The following SNAP91 variants were observed in gnomAD, a reference collection of about 807,000 sequenced individuals.
The protein encoded by SNAP91 is clathrin coat assembly protein AP180.
In SNAP91, 27 loss-of-function variants were observed where a neutral mutation model predicts 100.3. The observed-to-expected ratio is 0.27, with a 90% CI of 0.20 to 0.37. The LOEUF (loss-of-function observed/expected upper bound fraction) is 0.37, where lower values mean the gene tolerates loss of function less well. SNAP91 is among the 10% of genes least tolerant of loss of function. The probability of loss-of-function intolerance (pLI) is 1.00; values close to 1 mark genes in which losing one functional copy is unlikely to be tolerated. For missense variants in SNAP91, 986 were observed against 1,123.7 expected (o/e 0.88, Z 1.75); for synonymous variants, 404 against 398.6 (o/e 1.01, Z -0.16).
intron 2 of SNAP91, among the ~76,000 whole-genome samples, chr6:83,668,560 C>T (rs2098728383): frequency 6.6e-6 from 1 of 152,046 alleles, no homozygotes; most frequent in African/African-American, 2.4e-5. Flanking sequence ...AACCATCATT[C>T]TCAGCAAACT....
chr6:83,655,371 G>A (rs1035795159), intron 7 of SNAP91, among the ~76,000 whole-genome samples: 2 of 152,170 alleles, frequency 1.3e-5, no homozygotes, highest in African/African-American at 4.8e-5. Flanking sequence ...GGAAGACTCT[G>A]CAACTTCTCC....
chr6:83,592,506 T>C lies in SNAP91; in HGVS notation c.1879A>G (p.Thr627Ala). Residue 627 changes from threonine to alanine, a missense_variant, in exon 21 of 30, where the codon ACT (threonine) becomes GCT (alanine). By Grantham distance (58) the Thr-to-Ala change is moderately conservative. Around this residue, in one of 4 missense-constraint regions of SNAP91, gnomAD observed 575 missense variants for 579.9 expected, o/e 0.99. Transcript: ENST00000369694. ...GAATCCACCTTTGCTGGCGAGGCAG[T>C]GGTTGCAGGAGATGGTGCTGCAAAT... The part of the protein sequence containing the change: ...DAFAAPSPAT[T>A]ASPAKVDSSG... The C allele has an allele frequency of 6.2e-7, 1 of 1,611,122 alleles. No individual in the cohort carries two copies. Among genetic ancestry groups the C allele is most frequent in the South Asian group, 1.1e-5 (1 of 90,034 alleles).
intron 24 of SNAP91, 27 bp downstream of exon 24, chr6:83,580,418 TAAAGA>T (rs549999671): frequency 0.062 from 87,195 of 1,395,174 alleles, 100 homozygotes; most frequent in East Asian, 0.11. Context: ...ATGCTTCAGT[TAAAGA>T]AAAAAAAAAA....
chr6:83,579,470 T>C (rs1298535327), intron 24 of SNAP91, among the ~76,000 whole-genome samples: 4 of 152,214 alleles, frequency 2.6e-5, no homozygotes, highest in African/African-American at 4.8e-5. Context: ...GAAAACAAAA[T>C]GTATGTCCAC....
At chr6:83,658,885 T>G (rs1242434608) in intron 6 of SNAP91, 114 bp downstream of exon 6, 3 of 748,714 alleles carry the variant, frequency 4.0e-6, no homozygotes, top group Non-Finnish European at 6.5e-6. Flanking sequence ...AGTATTCATC[T>G]AAATGAAGAT....
chr6:83,564,309 G>A (rs1203404829), intron 26 of SNAP91, among the ~76,000 whole-genome samples: 6 of 150,522 alleles, frequency 4.0e-5, no homozygotes, highest in African/African-American at 1.5e-4. Flanking sequence ...GAAAGAATAG[G>A]CTCTTCCTTT....
In SNAP91 at chr6:83,593,620, A is replaced by C; in HGVS notation, c.1554T>G (p.Val518=). 3.7e-6 allele frequency: 6 copies of C among 1,606,814 alleles called. No homozygotes were observed. Among genetic ancestry groups the C allele is most frequent in the Non-Finnish European group, 5.1e-6 (6 of 1,176,470 alleles). The stretch of plus-strand genomic sequence containing the variant: ...GAGCAGGAGAAGGAGCAGTTGCGGG[A>C]ACTGGAGGGGCTGTGCTAGCTGTAG... The part of the protein sequence containing the change: ...VTPTASTAPP[V]PATAPSPAPA... The change falls in exon 18 of 30, where the codon GTT becomes GTG. Residue 518 remains valine (V), a synonymous_variant. Transcript: ENST00000369694.
intron 11 of SNAP91, among the ~76,000 whole-genome samples, chr6:83,611,652 T>A (rs1014971350): frequency 6.6e-6 from 1 of 152,046 alleles, no homozygotes; most frequent in African/African-American, 2.4e-5. Context: ...AATTTTTGTC[T>A]TATTGGATAT....
chr6:83,574,999 T>C lies in SNAP91; in HGVS notation c.2442+11A>G, dbSNP rs1213632136. On this transcript the variant is annotated intron_variant, in intron 26 of 29. Transcript: ENST00000369694. The stretch of plus-strand genomic sequence containing the variant: ...CTGCCTGCGCTGCCCTGGGCTCTGA[T>C]TGCTACATACCAAAGGTGCACTTGG... 7.0e-6 allele frequency: 11 copies of C among 1,562,962 alleles called. No individual in the cohort carries two copies. The highest frequency in any genetic ancestry group is 4.1e-5 in the African/African-American group (3 of 74,002).
At chr6:83,589,999 A>G (rs1436949877) in intron 22 of SNAP91, among the ~76,000 whole-genome samples, 2 of 152,208 alleles carry the variant, frequency 1.3e-5, no homozygotes, top group East Asian at 3.9e-4. Flanking sequence ...TAGCACTAGC[A>G]CGGTATTTAA....
chr6:83,656,776 A>G lies in SNAP91; in HGVS notation c.636T>C (p.Asn212=), dbSNP rs370487984. The stretch of plus-strand genomic sequence containing the variant: ...TACCGAGTAAGTTAATAACACCATC[A>G]TTGTAGCAAGCAAAAAGTTTGATAA... ...KDLIKLFACY[N]DGVINLLEKF... The change falls in exon 7 of 30, where the codon AAT becomes AAC. Residue 212 remains asparagine (N), a synonymous_variant. Coordinates refer to ENST00000369694, the MANE Select transcript of SNAP91 (RefSeq NM_001242792.2). The G allele has an allele frequency of 1.1e-4, 171 of 1,591,052 alleles. No homozygotes were observed. The highest frequency in any genetic ancestry group is 1.4e-4 in the Non-Finnish European group (168 of 1,162,228).
intron 2 of SNAP91, among the ~76,000 whole-genome samples, chr6:83,706,469 A>C (rs1386731604): frequency 6.6e-6 from 1 of 152,222 alleles, no homozygotes; most frequent in Non-Finnish European, 1.5e-5. Context: ...AAATTTAGTT[A>C]AACATTCCCT....
chr6:83,699,166 A>C (rs916793885), intron 2 of SNAP91, among the ~76,000 whole-genome samples: 1 of 152,128 alleles, frequency 6.6e-6, no homozygotes, highest in African/African-American at 2.4e-5. Context: ...AGCCAACATG[A>C]CCTCAGAGTC....
At chr6:83,684,014 T>C (rs576787828) in intron 2 of SNAP91, among the ~76,000 whole-genome samples, 2 of 152,346 alleles carry the variant, frequency 1.3e-5, no homozygotes, top group African/African-American at 2.4e-5. Flanking sequence ...AATTGCCTCA[T>C]ACCTTTGTTT....
intron 8 of SNAP91, among the ~76,000 whole-genome samples, chr6:83,632,590 A>G (rs1267162743): frequency 6.6e-6 from 1 of 152,044 alleles, no homozygotes; most frequent in East Asian, 1.9e-4. Context: ...GTATTTTCTT[A>G]TTCTTTTTTC....
intron 26 of SNAP91, 77 bp from the exon 27 acceptor site, chr6:83,561,024 A>C: frequency 1.1e-6 from 1 of 927,450 alleles, no homozygotes; most frequent in Non-Finnish European, 1.6e-6. Flanking sequence ...AACAAACAAA[A>C]AGAACAATAT....
chr6:83,596,028 T>C (rs2094437936), intron 16 of SNAP91, among the ~76,000 whole-genome samples: 1 of 152,196 alleles, frequency 6.6e-6, no homozygotes, highest in African/African-American at 2.4e-5. Context: ...TGATTGTTCC[T>C]CTTTGTTATA....
intron 2 of SNAP91, among the ~76,000 whole-genome samples, chr6:83,678,428 G>C (rs550361150): frequency 6.6e-6 from 1 of 151,710 alleles, no homozygotes; most frequent in Non-Finnish European, 1.5e-5. Flanking sequence ...GAGTGCTCTC[G>C]AGCCATAAAA....
intron 2 of SNAP91, among the ~76,000 whole-genome samples, chr6:83,676,771 A>G (rs186204123): frequency 2.6e-4 from 40 of 152,298 alleles, no homozygotes; most frequent in African/African-American, 9.4e-4. Flanking sequence ...TATATGGAGC[A>G]AAGACTGGGT....
Sources: allele counts gnomAD v4.1 joint callset (sites outside exome capture counted in the v4.1 genomes callset), GRCh38; gene constraint gnomAD v4.1.1; regional missense constraint gnomAD v4.1.1; transcripts MANE v1.5; gene names NCBI Gene and HGNC (gene_info 2026-07-23, HGNC 2026-07-21).